Variants in SLC1A3 observed in about 807,000 individuals in gnomAD.
The protein encoded by SLC1A3 is excitatory amino acid transporter 1.
SLC1A3 carries 21 observed loss-of-function variants against 48.1 expected under a neutral mutation model. The observed-to-expected ratio is 0.44, with a 90% CI of 0.31 to 0.63. SLC1A3 has a LOEUF of 0.63. SLC1A3 is among the 20% of genes least tolerant of loss of function. SLC1A3 has a pLI of 0.08. For missense variants in SLC1A3, 546 were observed against 689.0 expected, an observed-to-expected ratio of 0.79 and a Z score of 2.32; for synonymous variants, 239 against 251.4, an observed-to-expected ratio of 0.95 and a Z score of 0.47.
chr5:36,660,016 A>G (rs944219313), intron 3 of SLC1A3, among the ~76,000 whole-genome samples: 14 of 152,182 alleles, frequency 9.2e-5, no homozygotes, highest in African/African-American at 3.4e-4. Context: ...CCTTATGTAT[A>G]GTTCTTCTAT....
intron 3 of SLC1A3, among the ~76,000 whole-genome samples, chr5:36,661,436 A>G (rs1194970018): frequency 2.0e-5 from 3 of 152,252 alleles, no homozygotes; most frequent in Non-Finnish European, 2.9e-5. Flanking sequence ...GAAAAGAAAC[A>G]AGGTGAACAT....
At chr5:36,684,580 C>T (rs1428346447) in intron 9 of SLC1A3, among the ~76,000 whole-genome samples, 1 of 152,232 alleles carries the variant, frequency 6.6e-6, no homozygotes, top group African/African-American at 2.4e-5. Flanking sequence ...CCCCTTCCCT[C>T]GCTCTTCCAG....
Position 36,686,223 on chromosome 5 carries a change from A to G in SLC1A3, c.1583A>G (p.Gln528Arg). ...EMKKPYQLIA[Q>R]DNETEKPIDS... is the part of the protein sequence containing the mutation. ...AAGAAACCATATCAACTGATTGCAC[A>G]GGACAATGAAACTGAGAAACCCATC... Residue 528 changes from glutamine to arginine, a missense_variant, in exon 10 of 10, where the codon CAG (glutamine) becomes CGG (arginine). By Grantham distance (43) the Gln-to-Arg change is conservative (BLOSUM62 1). Coordinates refer to ENST00000265113, the MANE Select transcript of SLC1A3 (RefSeq NM_004172.5). 1 of 1,614,176 alleles carries G rather than the reference A, an allele frequency of 6.2e-7. No individual in the cohort carries two copies. The highest frequency in any genetic ancestry group is 8.5e-7 in the Non-Finnish European group (1 of 1,179,970).
chr5:36,645,319 CTTTTTTTTTTTTT>C lies in SLC1A3; in HGVS notation c.319+15749_319+15761del, dbSNP rs68027582. Reference sequence around the variant, plus strand: ...ATCTTTGAGGACTGACTTCCGCTGCCTTTTTTTTTTTTTTTTTTTTTTTTTTTTTGATAGAGTC... The same window carrying C: ...ATCTTTGAGGACTGACTTCCGCTGCCTTTTTTTTTTTTTTTTGATAGAGTC... On this transcript the variant is annotated intron_variant, in intron 3 of 9. Transcript: ENST00000265113. Among the ~76,000 whole-genome samples, 40 of 84,300 alleles carry C rather than the reference CTTTTTTTTTTTTT, an allele frequency of 4.7e-4. 1 individual carries two copies. The highest frequency in any genetic ancestry group is 7.5e-3 in the Middle Eastern group (1 of 134). 55.3% of individuals were successfully genotyped at this position (84,300 alleles called of 152,430 possible).
At chr5:36,639,145 G>A (rs1740511776) in intron 3 of SLC1A3, among the ~76,000 whole-genome samples, 1 of 152,222 alleles carries the variant, frequency 6.6e-6, no homozygotes, top group Admixed American at 6.5e-5. Context: ...TAGAAGGACT[G>A]AGTTGGAAGC....
intron 1 of SLC1A3, among the ~76,000 whole-genome samples, chr5:36,597,676 C>T (rs904913008): frequency 1.3e-5 from 2 of 152,090 alleles, no homozygotes; most frequent in African/African-American, 4.8e-5. Flanking sequence ...TTTTTCTGAC[C>T]TCTTGCCGTG....
At chr5:36,665,967 T>G (rs966858253) in intron 3 of SLC1A3, among the ~76,000 whole-genome samples, 2 of 152,248 alleles carry the variant, frequency 1.3e-5, no homozygotes, top group African/African-American at 4.8e-5. Flanking sequence ...GCAGTGTTTT[T>G]ACAAGCTAGT....
chr5:36,649,941 A>G (rs940875125), intron 3 of SLC1A3, among the ~76,000 whole-genome samples: 4 of 152,244 alleles, frequency 2.6e-5, no homozygotes, highest in African/African-American at 7.2e-5. Flanking sequence ...GAGTTTTCCA[A>G]AAACAATTAA....
chr5:36,670,913 C>G (rs1372215808), intron 3 of SLC1A3, 116 bp from the exon 4 acceptor site: 1 of 911,922 alleles, frequency 1.1e-6, no homozygotes, highest in Non-Finnish European at 1.8e-6. Flanking sequence ...TGTACGAAAT[C>G]CCATGGCTGG....
chr5:36,672,528 G>C (rs2111936528), intron 4 of SLC1A3, among the ~76,000 whole-genome samples: 1 of 152,324 alleles, frequency 6.6e-6, no homozygotes, highest in Middle Eastern at 3.4e-3. Flanking sequence ...GCCAATTATA[G>C]ATACCTGTCT....
At chr5:36,658,939 G>T (rs1458486176) in intron 3 of SLC1A3, among the ~76,000 whole-genome samples, 1 of 152,022 alleles carries the variant, frequency 6.6e-6, no homozygotes, top group Non-Finnish European at 1.5e-5. Flanking sequence ...AGGTCCCAGG[G>T]CTGTGACAGT....
intron 3 of SLC1A3, among the ~76,000 whole-genome samples, chr5:36,639,137 G>C (rs1267711381): frequency 6.6e-6 from 1 of 152,216 alleles, no homozygotes; most frequent in East Asian, 1.9e-4. Context: ...GTTCAGGCTA[G>C]AAGGACTGAG....
chr5:36,679,274 C>T (rs1212880661), intron 6 of SLC1A3, among the ~76,000 whole-genome samples: 1 of 152,026 alleles, frequency 6.6e-6, no homozygotes, highest in Non-Finnish European at 1.5e-5. Context: ...AAAAGTGACC[C>T]CCATGTAGTG....
At chr5:36,662,529 A>G (rs928919192) in intron 3 of SLC1A3, among the ~76,000 whole-genome samples, 1 of 152,200 alleles carries the variant, frequency 6.6e-6, no homozygotes, top group African/African-American at 2.4e-5. Context: ...TGCTCTGCTT[A>G]GCACACATAA....
intron 1 of SLC1A3, among the ~76,000 whole-genome samples, chr5:36,599,500 C>T (rs1332977012): frequency 2.7e-5 from 2 of 74,710 alleles, no homozygotes; most frequent in Non-Finnish European, 5.2e-5. Context: ...ATCGTAGCTA[C>T]GGTTGAACTT....
intron 3 of SLC1A3, among the ~76,000 whole-genome samples, chr5:36,658,645 T>C (rs898286226): frequency 1.3e-5 from 2 of 152,166 alleles, no homozygotes; most frequent in Non-Finnish European, 2.9e-5. Context: ...CTGCCCATGG[T>C]GAAGACTTAC....
intron 2 of SLC1A3, among the ~76,000 whole-genome samples, chr5:36,616,289 A>G (rs1739429321): frequency 6.6e-6 from 1 of 152,224 alleles, no homozygotes; most frequent in Admixed American, 6.5e-5. Flanking sequence ...ACTATGCCCT[A>G]TCAAGAGATA....
At chr5:36,606,040 T>C (rs999259861), upstream of SLC1A3, among the ~76,000 whole-genome samples, 4 of 152,216 alleles carry the variant, frequency 2.6e-5, no homozygotes, top group African/African-American at 9.6e-5. Context: ...ATTAGGTTTG[T>C]TAAAATGAAG....
intron 3 of SLC1A3, among the ~76,000 whole-genome samples, chr5:36,662,042 G>T (rs773862013): frequency 6.6e-6 from 1 of 152,196 alleles, no homozygotes; most frequent in African/African-American, 2.4e-5. Context: ...CTCATCCAGT[G>T]GTCAGTTGTA....
Sources: allele counts gnomAD v4.1 joint callset (sites outside exome capture counted in the v4.1 genomes callset), GRCh38; gene constraint gnomAD v4.1.1; transcripts MANE v1.5; gene names NCBI Gene and HGNC (gene_info 2026-07-23, HGNC 2026-07-21).